ANO3: variants seen among roughly 807,000 people sequenced by gnomAD.
ANO3 encodes the protein anoctamin-3.
A neutral mutation model predicts 144.8 loss-of-function variants in ANO3; 99 were observed. That is an observed-to-expected ratio of 0.68 (90% CI 0.58 to 0.81). The LOEUF (loss-of-function observed/expected upper bound fraction) is 0.81, where lower values mean the gene tolerates loss of function less well. ANO3 is among the 30% of genes least tolerant of loss of function. The probability of loss-of-function intolerance (pLI) is 0.00; values close to 1 mark genes in which losing one functional copy is unlikely to be tolerated. For missense variants in ANO3, 905 were observed against 1,202.2 expected (o/e 0.75, Z 3.66); for synonymous variants, 414 against 392.6 (o/e 1.05, Z -0.64).
At chr11:26,286,762 G>C (rs116545600) in intron 1 of ANO3, among the ~76,000 whole-genome samples, 61 of 152,274 alleles carry the variant, frequency 4.0e-4, no homozygotes, top group African/African-American at 1.4e-3. Flanking sequence ...CTCAAATGCA[G>C]GGGTTCTTTC....
At chr11:26,301,104 G>A (rs1406954046) in intron 1 of ANO3, among the ~76,000 whole-genome samples, 1 of 134,732 alleles carries the variant, frequency 7.4e-6, no homozygotes, top group East Asian at 2.5e-4. Flanking sequence ...CACCTGCCTC[G>A]GCCTCCCAAA....
chr11:26,508,024 T>C, intron 4 of ANO3, 80 bp from the exon 5 acceptor site: 1 of 1,229,470 alleles, frequency 8.1e-7, no homozygotes, highest in Non-Finnish European at 1.1e-6. Context: ...GTATTGCCAG[T>C]GTTCAAATGG....
chr11:26,427,206 C>T (rs1291669058), intron 1 of ANO3: 1 of 197,256 alleles, frequency 5.1e-6, no homozygotes, highest in Non-Finnish European at 1.1e-5. Context: ...TGCACATCTC[C>T]AAACAACAAG....
chr11:26,378,247 C>T (rs1420805858), intron 1 of ANO3, among the ~76,000 whole-genome samples: 1 of 150,628 alleles, frequency 6.6e-6, no homozygotes, highest in Non-Finnish European at 1.5e-5. Context: ...TGTTTTAGGG[C>T]CTCACAGTAC....
intron 4 of ANO3, among the ~76,000 whole-genome samples, chr11:26,472,283 A>C (rs938830118): frequency 6.6e-6 from 1 of 151,978 alleles, no homozygotes; most frequent in Non-Finnish European, 1.5e-5. Context: ...CTGGATTGGA[A>C]GTTTCAATAT....
At chr11:26,443,144 T>C (rs1289285174) in intron 2 of ANO3, among the ~76,000 whole-genome samples, 2 of 152,230 alleles carry the variant, frequency 1.3e-5, no homozygotes, top group African/African-American at 4.8e-5. Context: ...TGCTTCTTTT[T>C]CTGGATAACT....
chr11:26,319,316 CCCCTTTTT>C (rs1211120145), intron 1 of ANO3, among the ~76,000 whole-genome samples: 2 of 152,064 alleles, frequency 1.3e-5, no homozygotes, highest in African/African-American at 4.8e-5. Flanking sequence ...TTTTTTGACT[CCCCTTTTT>C]CCCTCTCTTC....
intron 1 of ANO3, among the ~76,000 whole-genome samples, chr11:26,289,746 ATTCTATATGTGTATATATAT>A (rs1564950798): frequency 1.4e-5 from 2 of 146,168 alleles, no homozygotes; most frequent in African/African-American, 5.0e-5. Context: ...GTGTATATAT[ATTCTATATGTGTATATATAT>A]GTATACATAT....
intron 17 of ANO3, among the ~76,000 whole-genome samples, chr11:26,609,357 C>CAGGATTCACA (rs1852026415): frequency 6.6e-6 from 1 of 151,470 alleles, no homozygotes; most frequent in African/African-American, 2.4e-5. Context: ...GATTCACATG[C>CAGGATTCACA]TATCCTGCAG....
At chr11:26,314,533 G>C (rs1295639278) in intron 1 of ANO3, among the ~76,000 whole-genome samples, 1 of 152,148 alleles carries the variant, frequency 6.6e-6, no homozygotes, top group African/African-American at 2.4e-5. Context: ...GTGGAGAGAT[G>C]TGAGGCAGTG....
At chr11:26,639,304 G>A (rs368188773) in intron 21 of ANO3, 63 bp downstream of exon 21, 23 of 1,236,108 alleles carry the variant, frequency 1.9e-5, no homozygotes, top group African/African-American at 1.3e-4. Context: ...TAGAGGTGGC[G>A]TGAGTAGTGC....
chr11:26,527,189 A>G (rs1425890027), intron 7 of ANO3, among the ~76,000 whole-genome samples: 2 of 152,132 alleles, frequency 1.3e-5, no homozygotes, highest in African/African-American at 4.8e-5. Context: ...AATCCTAACG[A>G]AACATTTTTA....
At chr11:26,253,090 A>G (rs185561877) in intron 1 of ANO3, among the ~76,000 whole-genome samples, 1 of 152,350 alleles carries the variant, frequency 6.6e-6, no homozygotes, top group East Asian at 1.9e-4. Context: ...TGCCATGTCC[A>G]CAGAAGGCAA....
chr11:26,507,700 A>C (rs534836647), intron 4 of ANO3, among the ~76,000 whole-genome samples: 1 of 152,310 alleles, frequency 6.6e-6, no homozygotes, highest in East Asian at 1.9e-4. Context: ...AAAATATTGA[A>C]AGCACTTATG....
intron 4 of ANO3, among the ~76,000 whole-genome samples, chr11:26,478,116 G>A (rs1860056391): frequency 6.6e-6 from 1 of 152,110 alleles, no homozygotes; most frequent in South Asian, 2.1e-4. Flanking sequence ...ATATAAAATT[G>A]TATTTCTCGC....
intron 1 of ANO3, among the ~76,000 whole-genome samples, chr11:26,354,960 A>C (rs1855740203): frequency 6.6e-6 from 1 of 151,974 alleles, no homozygotes; most frequent in South Asian, 2.1e-4. Context: ...GCAATTTACT[A>C]AAGGCCTAGC....
At chr11:26,658,810 T>C (rs532776321) in intron 26 of ANO3, among the ~76,000 whole-genome samples, 1 of 152,292 alleles carries the variant, frequency 6.6e-6, no homozygotes, top group Non-Finnish European at 1.5e-5. Context: ...CCTTCCTTAT[T>C]ATGATCTACT....
chr11:26,333,389 A>C (rs939966941), intron 1 of ANO3, among the ~76,000 whole-genome samples: 19 of 150,244 alleles, frequency 1.3e-4, no homozygotes, highest in South Asian at 2.1e-4. Flanking sequence ...TCATGCCATT[A>C]TCCTGCCTCA....
At chr11:26,410,168 G>C (rs752823673) in intron 1 of ANO3, among the ~76,000 whole-genome samples, 4 of 151,894 alleles carry the variant, frequency 2.6e-5, no homozygotes, top group Non-Finnish European at 5.9e-5. Flanking sequence ...TATATATCGA[G>C]TGCCTACTAG....
Sources: gnomAD v4.1 joint callset for allele counts (sites outside exome capture counted in the v4.1 genomes callset) on GRCh38, gnomAD v4.1.1 for gene constraint, MANE v1.5 for transcripts, NCBI Gene and HGNC (gene_info 2026-07-23, HGNC 2026-07-21) for gene names.